The following ARHGAP42 variants were observed in gnomAD, a reference collection of about 807,000 sequenced individuals.
The protein encoded by ARHGAP42 is Rho GTPase activating protein 42, also known as rho GTPase-activating protein 42.
ARHGAP42 carries 63 observed loss-of-function variants against 125.0 expected under a neutral mutation model. The observed-to-expected ratio is 0.50, with a 90% CI of 0.41 to 0.62. The LOEUF (loss-of-function observed/expected upper bound fraction) is 0.62, where lower values mean the gene tolerates loss of function less well. Among genes scored for constraint, ARHGAP42 ranks in the 20% least tolerant of loss-of-function variants. The probability of loss-of-function intolerance (pLI) is 0.00; values close to 1 mark genes in which losing one functional copy is unlikely to be tolerated. For missense variants in ARHGAP42, 766 were observed against 1,024.2 expected, an observed-to-expected ratio of 0.75 and a Z score of 3.44; for synonymous variants, 339 against 351.0, an observed-to-expected ratio of 0.97 and a Z score of 0.38.
At chr11:100,844,337 A>G (rs1256629640) in intron 3 of ARHGAP42, among the ~76,000 whole-genome samples, 1 of 152,102 alleles carries the variant, frequency 6.6e-6, no homozygotes, top group Non-Finnish European at 1.5e-5. Flanking sequence ...ACCTGAATCT[A>G]TAATAAAAAT....
chr11:100,848,804 T>G (rs1042459466), intron 3 of ARHGAP42, among the ~76,000 whole-genome samples: 17 of 152,166 alleles, frequency 1.1e-4, no homozygotes, highest in African/African-American at 1.9e-4. Context: ...ATAGTAGATA[T>G]CTCTTAATTT....
At chr11:100,793,044 G>A (rs572414158) in intron 2 of ARHGAP42, among the ~76,000 whole-genome samples, 4 of 152,088 alleles carry the variant, frequency 2.6e-5, no homozygotes, top group Non-Finnish European at 4.4e-5. Flanking sequence ...GTGAGCCACC[G>A]CGCCCAGCCA....
intron 3 of ARHGAP42, among the ~76,000 whole-genome samples, chr11:100,854,696 T>C (rs1318873923): frequency 6.6e-6 from 1 of 152,122 alleles, no homozygotes; most frequent in African/African-American, 2.4e-5. Context: ...CTATATTATG[T>C]AGCTATAGAG....
At chr11:100,899,530 G>T (rs1261957600) in intron 4 of ARHGAP42, among the ~76,000 whole-genome samples, 1 of 152,024 alleles carries the variant, frequency 6.6e-6, no homozygotes, top group African/African-American at 2.4e-5. Flanking sequence ...GTGCTCCTGT[G>T]TTGGGTGGAT....
Position 100,875,103 on chromosome 11 carries a change from CTCTCTGTGTGTGTGTGTG to C in ARHGAP42, c.384+15480_384+15497del, listed in dbSNP as rs1227854458. Among the ~76,000 whole-genome samples, 11 of 52,892 alleles carry C rather than the reference CTCTCTGTGTGTGTGTGTG, an allele frequency of 2.1e-4. No homozygotes were observed. In the Admixed American group the frequency reaches 2.2e-3, roughly 11 times the overall value. The allele number at this position is 52,892 out of a possible 152,430, so 34.7% of individuals were successfully genotyped here. A position where few individuals can be genotyped will look rare whatever the true frequency, so the allele number is the denominator to read the frequency against. On this transcript the variant is annotated intron_variant, in intron 4 of 23. Transcript: ENST00000298815. The stretch of plus-strand genomic sequence containing the variant: ...TCTCTCTCTCTCTCTCTCTCTCTCT[CTCTCTGTGTGTGTGTGTG>C]TGTGTGTGTGTGTGTGTGTGTGTGT...
chr11:100,942,748 T>C (rs1202288848), intron 9 of ARHGAP42, among the ~76,000 whole-genome samples: 3 of 152,060 alleles, frequency 2.0e-5, no homozygotes, highest in Admixed American at 2.0e-4. Flanking sequence ...TGGGCATTCA[T>C]CAGAGTCTAA....
chr11:100,713,513 A>T (rs1022918693), intron 1 of ARHGAP42, among the ~76,000 whole-genome samples: 2 of 152,216 alleles, frequency 1.3e-5, no homozygotes, highest in Non-Finnish European at 2.9e-5. Flanking sequence ...TATCTTTGCC[A>T]CACAGGTTTA....
intron 3 of ARHGAP42, among the ~76,000 whole-genome samples, chr11:100,799,080 AC>A (rs1863789791): frequency 6.6e-6 from 1 of 152,256 alleles, no homozygotes; most frequent in Non-Finnish European, 1.5e-5. Context: ...ATGCAGGGTT[AC>A]AGGGCTACAC....
At chr11:100,976,693 C>A in intron 20 of ARHGAP42, 122 bp from the exon 21 acceptor site, 1 of 1,271,404 alleles carries the variant, frequency 7.9e-7, no homozygotes, top group Non-Finnish European at 1.1e-6. Context: ...ACTCAAAGAA[C>A]ATTCTGTACC....
chr11:100,962,276 A>G, intron 15 of ARHGAP42, 133 bp from the exon 16 acceptor site: 1 of 735,894 alleles, frequency 1.4e-6, no homozygotes, highest in Non-Finnish European at 2.1e-6. Flanking sequence ...CAATTCTTTT[A>G]TTTACTTATT....
intron 3 of ARHGAP42, among the ~76,000 whole-genome samples, chr11:100,817,461 A>G (rs1265974758): frequency 6.6e-6 from 1 of 152,118 alleles, no homozygotes; most frequent in Non-Finnish European, 1.5e-5. Context: ...TCTTATCTTT[A>G]TTCTTTTTTG....
At chr11:100,915,287 A>G (rs1565273936) in intron 5 of ARHGAP42, among the ~76,000 whole-genome samples, 1 of 152,196 alleles carries the variant, frequency 6.6e-6, no homozygotes, top group African/African-American at 2.4e-5. Context: ...GTCTTAATAC[A>G]TTGCACTAGA....
intron 1 of ARHGAP42, among the ~76,000 whole-genome samples, chr11:100,757,598 A>G (rs1862605211): frequency 6.6e-6 from 1 of 152,186 alleles, no homozygotes; most frequent in African/African-American, 2.4e-5. Flanking sequence ...TACCTTAAAA[A>G]TGGGGTGGCT....
chr11:100,871,118 T>TA (rs1223111501), intron 4 of ARHGAP42, among the ~76,000 whole-genome samples: 1 of 152,194 alleles, frequency 6.6e-6, no homozygotes, highest in Non-Finnish European at 1.5e-5. Flanking sequence ...ATTAAATTAG[T>TA]ATTAAAACTT....
chr11:100,932,784 C>T (rs762660867), intron 6 of ARHGAP42, among the ~76,000 whole-genome samples: 13 of 152,164 alleles, frequency 8.5e-5, no homozygotes, highest in Non-Finnish European at 1.6e-4. Flanking sequence ...GTCTTCCTTA[C>T]GTTGCACATC....
chr11:100,751,825 G>A (rs1010835888), intron 1 of ARHGAP42, among the ~76,000 whole-genome samples: 1 of 136,064 alleles, frequency 7.3e-6, no homozygotes, highest in Non-Finnish European at 1.5e-5. Context: ...TGTCGCCCAG[G>A]CTGGAGTGCA....
intron 3 of ARHGAP42, among the ~76,000 whole-genome samples, chr11:100,824,847 C>G (rs904575215): frequency 6.6e-6 from 1 of 152,194 alleles, no homozygotes; most frequent in African/African-American, 2.4e-5. Flanking sequence ...ATTTTATAAT[C>G]ATTCCTTACT....
intron 1 of ARHGAP42, among the ~76,000 whole-genome samples, chr11:100,723,025 G>A (rs549960741): frequency 4.6e-5 from 7 of 152,234 alleles, no homozygotes; most frequent in Admixed American, 2.0e-4. Flanking sequence ...TGTGGATGTC[G>A]TGTTGTTCCA....
At chr11:100,817,416 C>G (rs187699459) in intron 3 of ARHGAP42, among the ~76,000 whole-genome samples, 41 of 152,244 alleles carry the variant, frequency 2.7e-4, no homozygotes, top group Non-Finnish European at 2.8e-4. Flanking sequence ...TTAGTCTTAT[C>G]TATTAGACTG....
Sources: gnomAD v4.1 joint callset for allele counts (sites outside exome capture counted in the v4.1 genomes callset) on GRCh38, gnomAD v4.1.1 for gene constraint, MANE v1.5 for transcripts, NCBI Gene and HGNC (gene_info 2026-07-23, HGNC 2026-07-21) for gene names.